The following MID1 variants were observed in gnomAD, a reference collection of about 807,000 sequenced individuals.
MID1 encodes E3 ubiquitin-protein ligase Midline-1.
MID1 carries 7 observed loss-of-function variants against 40.4 expected under a neutral mutation model. The ratio of observed to expected loss-of-function variants is 0.17; its 90% CI spans 0.10 to 0.33. MID1 has a LOEUF of 0.33. Ranked by LOEUF, MID1 falls within the 10% of genes least tolerant of loss-of-function variation. The pLI, the probability that MID1 is intolerant of heterozygous loss-of-function variation, is 1.00. For synonymous variants in MID1, 229 were observed against 221.2 expected (o/e 1.04, Z -0.31); for missense variants, 367 against 558.5 (o/e 0.66, Z 3.46).
chrX:10,694,398 A>T (rs2043148681), intron 1 of MID1, among the ~76,000 whole-genome samples: 1 of 112,366 alleles, frequency 8.9e-6, no homozygotes, highest in African/African-American at 3.2e-5. Context: ...CCTCTGAGTT[A>T]TACATCACTG....
intron 1 of MID1, among the ~76,000 whole-genome samples, chrX:10,700,391 A>C (rs2043187687): frequency 9.1e-6 from 1 of 110,222 alleles, no homozygotes; most frequent in African/African-American, 3.3e-5. Flanking sequence ...ATCTCTACAA[A>C]GAATACAAAA....
At chrX:10,553,034 T>G (rs4515704) in intron 2 of MID1, among the ~76,000 whole-genome samples, 16,673 of 110,255 alleles carry the variant, frequency 0.15, 2,439 homozygotes, top group African/African-American at 0.45. Flanking sequence ...GATCACCTGA[T>G]GTCAGGAGTT....
intron 1 of MID1, among the ~76,000 whole-genome samples, chrX:10,752,278 A>G (rs2043604866): frequency 8.9e-6 from 1 of 111,838 alleles, no homozygotes; most frequent in South Asian, 3.8e-4. Flanking sequence ...ATACCAGCAG[A>G]GTTTGGAAAT....
rs1201497173 is a variant in MID1 at position 10,785,229 on chromosome X, G to A, written c.-187+48325C>T. Among the ~76,000 whole-genome samples the A allele has an allele frequency of 8.1e-5, 9 of 110,438 alleles. No homozygotes were observed. The East Asian group carries it at 2.6e-3, about 31-fold the overall frequency. On this transcript the variant is annotated intron_variant, in intron 1 of 10. Coordinates refer to the MID1 transcript ENST00000380785. The stretch of plus-strand genomic sequence containing the variant: ...CTCCCATTCACAATTGCTTCAAAGA[G>A]AATAAAATACCTAGGAATCCAACTT...
At chrX:10,503,993 A>G (rs1292618927) in intron 3 of MID1, among the ~76,000 whole-genome samples, 1 of 112,305 alleles carries the variant, frequency 8.9e-6, no homozygotes, top group Non-Finnish European at 1.9e-5. Flanking sequence ...CAATAGTAGC[A>G]TACAGAACAT....
intron 1 of MID1, among the ~76,000 whole-genome samples, chrX:10,689,325 G>A (rs1001477029): frequency 2.7e-5 from 3 of 111,009 alleles, no homozygotes; most frequent in Admixed American, 1.9e-4. Context: ...GTTGGAGCAG[G>A]AGAAAGAGAG....
chrX:10,780,640 T>C (rs1362464947), intron 1 of MID1, among the ~76,000 whole-genome samples: 1 of 112,008 alleles, frequency 8.9e-6, no homozygotes, highest in Non-Finnish European at 1.9e-5. Flanking sequence ...AGAGAAGCAA[T>C]GACTCCAACC....
At chrX:10,797,928 A>T (rs2043978286) in intron 1 of MID1, among the ~76,000 whole-genome samples, 1 of 111,860 alleles carries the variant, frequency 8.9e-6, no homozygotes, top group Admixed American at 9.5e-5. Flanking sequence ...TATCTCTGTT[A>T]TTTAAATGAA....
At chrX:10,679,102 C>G (rs1281676194) in intron 1 of MID1, among the ~76,000 whole-genome samples, 3 of 112,095 alleles carry the variant, frequency 2.7e-5, no homozygotes, top group Non-Finnish European at 5.6e-5. Flanking sequence ...AAGGAACCCA[C>G]ACAAATGGGC....
chrX:10,467,961 C>T (rs1045927027), intron 7 of MID1, among the ~76,000 whole-genome samples: 4 of 111,670 alleles, frequency 3.6e-5, no homozygotes, highest in Non-Finnish European at 7.5e-5. Flanking sequence ...GATGACATAG[C>T]TGTCCGGTAC....
intron 1 of MID1, among the ~76,000 whole-genome samples, chrX:10,687,211 T>A (rs1339223145): frequency 8.9e-6 from 1 of 111,826 alleles, no homozygotes; most frequent in Non-Finnish European, 1.9e-5. Flanking sequence ...AGCCATAAAT[T>A]TCTAGATAAT....
chrX:10,805,922 G>T (rs2147148741), intron 1 of MID1, among the ~76,000 whole-genome samples: 1 of 109,811 alleles, frequency 9.1e-6, no homozygotes, highest in South Asian at 3.9e-4. Flanking sequence ...GGGGTTGTTT[G>T]TTTTTTTCTT....
At chrX:10,819,094 G>C (rs190277682) in intron 1 of MID1, among the ~76,000 whole-genome samples, 1 of 111,055 alleles carries the variant, frequency 9.0e-6, no homozygotes, top group East Asian at 2.8e-4. Flanking sequence ...TTTTATTTTG[G>C]TTTATTTATG....
intron 6 of MID1, among the ~76,000 whole-genome samples, chrX:10,473,759 G>A (rs998017616): frequency 1.9e-4 from 21 of 112,377 alleles, no homozygotes; most frequent in African/African-American, 5.8e-4. Flanking sequence ...GCAGGCACTG[G>A]TGGCTTTGGC....
chrX:10,482,734 G>C, intron 4 of MID1, 106 bp from the exon 5 acceptor site: 1 of 859,524 alleles, frequency 1.2e-6, no homozygotes, highest in South Asian at 2.1e-5. Context: ...TTCCATAAAA[G>C]TTCAAAAAGT....
chrX:10,736,180 C>T (rs1030113635), intron 1 of MID1, among the ~76,000 whole-genome samples: 2 of 111,050 alleles, frequency 1.8e-5, no homozygotes, highest in Non-Finnish European at 3.8e-5. Context: ...GGGGTTTCAC[C>T]GTGTTAGCCA....
At chrX:10,690,826 G>C (rs1412064831) in intron 1 of MID1, among the ~76,000 whole-genome samples, 1 of 111,628 alleles carries the variant, frequency 9.0e-6, no homozygotes, top group Admixed American at 9.5e-5. Flanking sequence ...ACCATATACA[G>C]AGTTGTTCTT....
At chrX:10,488,783 T>C (rs777001565) in intron 4 of MID1, among the ~76,000 whole-genome samples, 2 of 110,935 alleles carry the variant, frequency 1.8e-5, no homozygotes, top group African/African-American at 6.6e-5. Flanking sequence ...CAGAAAAACA[T>C]GAAAAGGCAA....
intron 1 of MID1, among the ~76,000 whole-genome samples, chrX:10,583,990 C>T (rs1429186916): frequency 9.2e-6 from 1 of 109,072 alleles, no homozygotes; most frequent in Non-Finnish European, 1.9e-5. Flanking sequence ...GAGATCACAC[C>T]ACTGCACTCC....
Sources: allele counts gnomAD v4.1 joint callset (sites outside exome capture counted in the v4.1 genomes callset), GRCh38; gene constraint gnomAD v4.1.1; transcripts MANE v1.5; gene names NCBI Gene and HGNC (gene_info 2026-07-23, HGNC 2026-07-21).